CTNND2: variants seen among roughly 807,000 people sequenced by gnomAD.
CTNND2 encodes the protein catenin delta 2.
In CTNND2, 22 loss-of-function variants were observed where a neutral mutation model predicts 144.4. The ratio of observed to expected loss-of-function variants is 0.15; its 90% confidence interval spans 0.11 to 0.22. The LOEUF is 0.22. CTNND2 is among the 10% of genes least tolerant of loss of function. CTNND2 has a pLI of 1.00. For missense variants in CTNND2, 1,353 were observed against 1,618.8 expected, an observed-to-expected ratio of 0.84 and a Z score of 2.82; for synonymous variants, 751 against 695.6, an observed-to-expected ratio of 1.08 and a Z score of -1.25.
chr5:11,013,283 C>T (rs1386958924), intron 18 of CTNND2, among the ~76,000 whole-genome samples: 1 of 152,178 alleles, frequency 6.6e-6, no homozygotes, highest in Non-Finnish European at 1.5e-5. Flanking sequence ...CACAAGTTTA[C>T]CTGTTTCTTT....
chr5:11,291,022 A>G (rs1500158), intron 9 of CTNND2, among the ~76,000 whole-genome samples: 37,851 of 151,928 alleles, frequency 0.25, 4,911 homozygotes, highest in African/African-American at 0.3. Context: ...GAGGGAAATC[A>G]GATACATGAA....
In CTNND2 at chr5:11,854,702, G is replaced by A. The variant is rs560830210; in HGVS notation, c.37+49115C>T. ...TTCCATCTTAACACAAGTATCGAAC[G>A]TACAGTAAAATCAACACTGAACTAG... is the stretch of plus-strand genomic sequence containing the variant. On this transcript the variant is annotated intron_variant, in intron 1 of 21. Transcript: ENST00000304623. 9.2e-4 allele frequency among the ~76,000 whole-genome samples: 140 copies of A among 152,244 alleles called. 1 individual carries two copies. The highest frequency in any genetic ancestry group is 1.6e-3 in the Non-Finnish European group (107 of 68,016).
intron 16 of CTNND2, among the ~76,000 whole-genome samples, chr5:11,029,854 T>C (rs1176901467): frequency 6.6e-6 from 1 of 152,198 alleles, no homozygotes; most frequent in African/African-American, 2.4e-5. Context: ...TCTACTAAGA[T>C]CTTTATTTCT....
intron 14 of CTNND2, among the ~76,000 whole-genome samples, chr5:11,101,668 CTG>C (rs967519330): frequency 3.3e-5 from 5 of 152,194 alleles, no homozygotes; most frequent in Non-Finnish European, 7.4e-5. Context: ...CTTGTGCAAA[CTG>C]TGTTCGTTTT....
intron 12 of CTNND2, among the ~76,000 whole-genome samples, chr5:11,146,669 G>C (rs372014833): frequency 6.6e-6 from 1 of 152,168 alleles, no homozygotes; most frequent in Non-Finnish European, 1.5e-5. Flanking sequence ...TCCTTCAGAT[G>C]AGGTGGTTGA....
At chr5:11,858,704 T>C (rs62337757) in intron 1 of CTNND2, among the ~76,000 whole-genome samples, 3 of 152,078 alleles carry the variant, frequency 2.0e-5, no homozygotes, top group African/African-American at 4.8e-5. Context: ...CTGAGGTGGG[T>C]GGATCACGAG....
intron 3 of CTNND2, among the ~76,000 whole-genome samples, chr5:11,467,362 C>T (rs889060703): frequency 2.0e-5 from 3 of 152,214 alleles, no homozygotes; most frequent in Admixed American, 1.3e-4. Context: ...CCCTGAGATG[C>T]TCTCTGTCCT....
chr5:11,736,587 C>G (rs959064389), intron 1 of CTNND2, among the ~76,000 whole-genome samples: 1 of 152,102 alleles, frequency 6.6e-6, no homozygotes, highest in Admixed American at 6.6e-5. Flanking sequence ...AAAGACCTGC[C>G]CCAGTGAATC....
At chr5:11,348,588 A>T (rs1286867624) in intron 8 of CTNND2, among the ~76,000 whole-genome samples, 1 of 152,146 alleles carries the variant, frequency 6.6e-6, no homozygotes, top group East Asian at 1.9e-4. Flanking sequence ...ATGCAAAATC[A>T]TTTGCTATTA....
At chr5:11,269,714 C>T (rs1316134093) in intron 9 of CTNND2, among the ~76,000 whole-genome samples, 6 of 152,150 alleles carry the variant, frequency 3.9e-5, no homozygotes, top group Non-Finnish European at 8.8e-5. Flanking sequence ...TTTGAAACTG[C>T]TGCCAGAGTT....
chr5:11,250,491 C>CTCTCTCTATATA (rs869141186), intron 9 of CTNND2, among the ~76,000 whole-genome samples: 70 of 64,098 alleles, frequency 1.1e-3, no homozygotes, highest in African/African-American at 4.8e-3. Context: ...CTCTCTCTCT[C>CTCTCTCTATATA]TATATATATA....
intron 21 of CTNND2, among the ~76,000 whole-genome samples, chr5:10,978,851 A>C (rs968056790): frequency 2.0e-5 from 3 of 152,200 alleles, no homozygotes; most frequent in Non-Finnish European, 4.4e-5. Flanking sequence ...TTAGCACATT[A>C]ATTCTCATTT....
chr5:11,140,717 C>T (rs1756643848), intron 12 of CTNND2, among the ~76,000 whole-genome samples: 2 of 152,156 alleles, frequency 1.3e-5, no homozygotes, highest in African/African-American at 4.8e-5. Flanking sequence ...TCTGGGAAAA[C>T]ACAGTCTTTA....
rs570954220 is a variant in CTNND2 at position 11,373,024 on chromosome 5, A to G, written c.1178-8134T>C. Among the ~76,000 whole-genome samples the G allele has an allele frequency of 8.6e-4, 131 of 152,340 alleles. 2 individuals carry two copies. Among genetic ancestry groups the G allele is most frequent in the African/African-American group, 3.0e-3 (124 of 41,590 alleles). ...CTCAATAAAGGCACAGTTCAAGAGT[A>G]TAGCTAGACACTGGCAATGCAGGTG... On this transcript the variant is annotated intron_variant, in intron 7 of 21. Transcript: ENST00000304623.
chr5:11,636,832 T>C (rs1042893282), intron 2 of CTNND2, among the ~76,000 whole-genome samples: 4 of 152,292 alleles, frequency 2.6e-5, no homozygotes, highest in African/African-American at 9.6e-5. Flanking sequence ...GAAGGGGCAG[T>C]GGAGAACACA....
chr5:11,684,615 C>A (rs1264952173), intron 2 of CTNND2, among the ~76,000 whole-genome samples: 1 of 152,154 alleles, frequency 6.6e-6, no homozygotes, highest in Non-Finnish European at 1.5e-5. Context: ...TTGGTCATGG[C>A]ACAGTTAGTA....
intron 2 of CTNND2, among the ~76,000 whole-genome samples, chr5:11,602,879 G>C (rs1412377131): frequency 1.3e-5 from 2 of 150,084 alleles, no homozygotes; most frequent in Non-Finnish European, 3.0e-5. Context: ...ATTGAAGTAT[G>C]ATGATAGAAT....
At chr5:11,136,750 G>A (rs553518326) in intron 12 of CTNND2, among the ~76,000 whole-genome samples, 1 of 152,314 alleles carries the variant, frequency 6.6e-6, no homozygotes, top group South Asian at 2.1e-4. Context: ...GTCTCATGTA[G>A]CAGCTGCAGG....
At chr5:11,894,705 C>A (rs1360505879) in intron 1 of CTNND2, among the ~76,000 whole-genome samples, 3 of 152,068 alleles carry the variant, frequency 2.0e-5, no homozygotes, top group Non-Finnish European at 4.4e-5. Context: ...GTTTTTATCC[C>A]AAGGAACAAA....
Sources: gnomAD v4.1 joint callset for allele counts (sites outside exome capture counted in the v4.1 genomes callset) on GRCh38, gnomAD v4.1.1 for gene constraint, MANE v1.5 for transcripts, NCBI Gene and HGNC (gene_info 2026-07-23, HGNC 2026-07-21) for gene names.